The following NLGN1 variants were observed in gnomAD, a reference collection of about 807,000 sequenced individuals.
The protein encoded by NLGN1 is neuroligin-1.
In NLGN1, 12 loss-of-function variants were observed where a neutral mutation model predicts 65.5. That is an observed-to-expected ratio of 0.18 (90% CI 0.12 to 0.30). The LOEUF is 0.30. NLGN1 is among the 10% of genes least tolerant of loss of function. The probability of loss-of-function intolerance (pLI) is 1.00; values close to 1 mark genes in which losing one functional copy is unlikely to be tolerated. For missense variants in NLGN1, 750 were observed against 1,007.1 expected (o/e 0.74, Z 3.46); for synonymous variants, 350 against 359.5 (o/e 0.97, Z 0.30).
At chr3:173,623,658 T>C (rs1455104340) in intron 3 of NLGN1, among the ~76,000 whole-genome samples, 1 of 152,034 alleles carries the variant, frequency 6.6e-6, no homozygotes, top group East Asian at 1.9e-4. Flanking sequence ...TGGGACATAT[T>C]GTGAAGGGCG....
At chr3:173,702,056 G>A (rs188635694) in intron 3 of NLGN1, among the ~76,000 whole-genome samples, 1 of 151,768 alleles carries the variant, frequency 6.6e-6, no homozygotes, top group African/African-American at 2.4e-5. Flanking sequence ...CGGCTAAAAC[G>A]GTGAAACCCC....
chr3:173,707,700 A>G (rs897600122), intron 3 of NLGN1, among the ~76,000 whole-genome samples: 1 of 152,132 alleles, frequency 6.6e-6, no homozygotes, highest in Non-Finnish European at 1.5e-5. Context: ...AGAAAGAAAA[A>G]TAAGCTCACA....
chr3:173,857,103 C>T (rs1728138063), intron 4 of NLGN1, among the ~76,000 whole-genome samples: 1 of 151,588 alleles, frequency 6.6e-6, no homozygotes, highest in South Asian at 2.1e-4. Context: ...CACGCTTGAG[C>T]ACAAAAGGAA....
intron 3 of NLGN1, among the ~76,000 whole-genome samples, chr3:173,660,758 A>G (rs1760811655): frequency 6.6e-6 from 1 of 151,954 alleles, no homozygotes. Context: ...GCACCAAAAT[A>G]TATCATGTTC....
intron 4 of NLGN1, among the ~76,000 whole-genome samples, chr3:173,885,240 C>T (rs959893075): frequency 2.0e-5 from 3 of 151,894 alleles, no homozygotes; most frequent in Admixed American, 6.6e-5. Flanking sequence ...TATTATTTAA[C>T]GCATTTTTAT....
chr3:173,452,419 C>T (rs914814576), intron 2 of NLGN1, among the ~76,000 whole-genome samples: 2 of 152,170 alleles, frequency 1.3e-5, no homozygotes, highest in African/African-American at 4.8e-5. Context: ...ATCTCCTGAC[C>T]TCATGATCCA....
rs1748068105 is a variant in NLGN1 at position 173,950,822 on chromosome 3, AG to A, written c.646+142992del. Among the ~76,000 whole-genome samples, 3 of 151,498 alleles carry A rather than the reference AG, an allele frequency of 2.0e-5. No homozygotes were observed. In the South Asian group the frequency reaches 6.2e-4, roughly 31 times the overall value. On this transcript the variant is annotated intron_variant, in intron 4 of 6. Transcript: ENST00000457714. ...AGACTTCGTCTCAAAAAAAAAAAAA[AG>A]GTCCTAAATAATACAAAATAAATAT... is the stretch of plus-strand genomic sequence containing the variant.
At chr3:173,799,971 T>TAA (rs1238609300) in intron 3 of NLGN1, among the ~76,000 whole-genome samples, 1 of 149,962 alleles carries the variant, frequency 6.7e-6, no homozygotes, top group African/African-American at 2.4e-5. Flanking sequence ...TTTCAGCTAA[T>TAA]AAAACTGTTT....
chr3:173,880,380 T>G (rs2150921595), intron 4 of NLGN1, among the ~76,000 whole-genome samples: 1 of 151,958 alleles, frequency 6.6e-6, no homozygotes, highest in African/African-American at 2.4e-5. Flanking sequence ...TTTACTAATT[T>G]ATTTTAATTA....
At chr3:173,631,028 A>G (rs922090936) in intron 3 of NLGN1, among the ~76,000 whole-genome samples, 6 of 152,094 alleles carry the variant, frequency 3.9e-5, no homozygotes, top group African/African-American at 1.4e-4. Flanking sequence ...AGGGCAATGA[A>G]GTTCTGCTGT....
Position 173,577,183 on chromosome 3 carries a change from A to T in NLGN1, c.-320-27096A>T, listed in dbSNP as rs907623076. The stretch of plus-strand genomic sequence containing the variant: ...GTATGATGAATTTCAGCTATAAGAT[A>T]TATCTTCTAGCTTCACCAGACTTAT... On this transcript the variant is annotated intron_variant, in intron 2 of 6. Transcript: ENST00000457714. Among the ~76,000 whole-genome samples, 6 of 152,184 alleles carry T rather than the reference A, an allele frequency of 3.9e-5. No homozygotes were observed. In the East Asian group the frequency reaches 1.2e-3, roughly 29 times the overall value.
intron 4 of NLGN1, among the ~76,000 whole-genome samples, chr3:173,894,350 T>C (rs1735953713): frequency 6.6e-6 from 1 of 152,166 alleles, no homozygotes; most frequent in African/African-American, 2.4e-5. Context: ...CAGGCATAAC[T>C]CATCTCCAGA....
chr3:173,604,424 A>G, exon 3 of NLGN1: 1 of 690,456 alleles, frequency 1.4e-6, no homozygotes, highest in Non-Finnish European at 2.5e-6. Flanking sequence ...TGCTGCTCCA[A>G]TACATGTGAA....
chr3:173,845,268 C>T (rs1708052389), intron 4 of NLGN1, among the ~76,000 whole-genome samples: 1 of 152,082 alleles, frequency 6.6e-6, no homozygotes, highest in South Asian at 2.1e-4. Context: ...TAGTCGAATC[C>T]TGGAGTTTTA....
intron 4 of NLGN1, among the ~76,000 whole-genome samples, chr3:174,181,072 A>C (rs1730323523): frequency 6.6e-6 from 1 of 152,326 alleles, no homozygotes; most frequent in East Asian, 1.9e-4. Flanking sequence ...CCTGTGTTGC[A>C]GAAAATACTG....
rs141910364 is a variant in NLGN1 at position 173,818,285 on chromosome 3, T to C, written c.646+10453T>C. Among the ~76,000 whole-genome samples the C allele has an allele frequency of 7.9e-3, 1,195 of 152,228 alleles. 7 individuals carry two copies. Among genetic ancestry groups the C allele is most frequent in the Non-Finnish European group, 0.013 (865 of 68,000 alleles). On this transcript the variant is annotated intron_variant, in intron 4 of 6. Transcript: ENST00000457714. ...GACATTAAACAAATAAACAAAACAT[T>C]AATACAAATTTTGATAAGTTGTATT... is the stretch of plus-strand genomic sequence containing the variant.
At chr3:173,417,486 G>C (rs1013233030) in intron 1 of NLGN1, among the ~76,000 whole-genome samples, 2 of 151,562 alleles carry the variant, frequency 1.3e-5, no homozygotes, top group African/African-American at 4.8e-5. Flanking sequence ...TACTTTAATG[G>C]AAACAATAAT....
chr3:173,433,208 G>A (rs1031617621), intron 1 of NLGN1, among the ~76,000 whole-genome samples: 15 of 152,156 alleles, frequency 9.9e-5, no homozygotes, highest in Non-Finnish European at 1.5e-4. Context: ...GATGTCCTCC[G>A]CACCCCACCT....
At chr3:173,628,870 T>A (rs562367181) in intron 3 of NLGN1, among the ~76,000 whole-genome samples, 6 of 151,992 alleles carry the variant, frequency 3.9e-5, no homozygotes, top group Non-Finnish European at 8.8e-5. Flanking sequence ...ATTTTTGTAT[T>A]TTTAGTAGAG....
Sources: allele counts gnomAD v4.1 joint callset (sites outside exome capture counted in the v4.1 genomes callset), GRCh38; gene constraint gnomAD v4.1.1; transcripts MANE v1.5; gene names NCBI Gene and HGNC (gene_info 2026-07-23, HGNC 2026-07-21).